The following LIPA variants were observed in gnomAD, a reference collection of about 807,000 sequenced individuals.
LIPA encodes lipase A, lysosomal acid type, also known as lysosomal acid lipase/cholesteryl ester hydrolase.
A neutral mutation model predicts 40.6 loss-of-function variants in LIPA; 26 were observed. That is an observed-to-expected ratio of 0.64 (90% CI 0.47 to 0.89). The LOEUF (loss-of-function observed/expected upper bound fraction) is 0.89. Among genes scored for constraint, LIPA ranks in the 40% least tolerant of loss-of-function variants. The pLI is 0.00. For synonymous variants in LIPA, 188 were observed against 168.4 expected (o/e 1.12, Z -0.90); for missense variants, 455 against 479.6 (o/e 0.95, Z 0.48).
In LIPA at chr10:89,271,731, G is replaced by T. The variant is rs1183357005; in HGVS notation, c.-1-24082C>A. Among the ~76,000 whole-genome samples, 4 of 152,192 alleles carry T rather than the reference G, an allele frequency of 2.6e-5. 1 individual carries two copies. The highest frequency in any genetic ancestry group is 2.6e-4 in the Admixed American group (4 of 15,270). ...GGAGTCATGACAAGAACCAGTGTTTGCCAAGGGCAAGTGTAATATGGAACA... is the reference window on the plus strand; with the variant it reads ...GGAGTCATGACAAGAACCAGTGTTTTCCAAGGGCAAGTGTAATATGGAACA... On this transcript the variant is annotated intron_variant, in intron 1 of 5. Transcript: ENST00000282673.
intron 1 of LIPA, among the ~76,000 whole-genome samples, chr10:89,264,070 G>T (rs1843223402): frequency 6.6e-6 from 1 of 152,226 alleles, no homozygotes; most frequent in South Asian, 2.1e-4. Context: ...GCCCTGGCTT[G>T]GGGAGCCTCT....
intron 1 of LIPA, among the ~76,000 whole-genome samples, chr10:89,305,705 A>G (rs942269313): frequency 2.6e-5 from 4 of 152,186 alleles, no homozygotes; most frequent in African/African-American, 4.8e-5. Flanking sequence ...TGTCTTATTC[A>G]TGAAAACCTA....
intron 3 of LIPA, among the ~76,000 whole-genome samples, chr10:89,243,939 C>T (rs1842993441): frequency 6.6e-6 from 1 of 151,994 alleles, no homozygotes. Flanking sequence ...AAGCATTTTT[C>T]TTTATACAGT....
At chr10:89,339,191 C>T (rs773888170) in intron 1 of LIPA, 32 of 1,614,002 alleles carry the variant, frequency 2.0e-5, no homozygotes, top group African/African-American at 4.0e-5. Flanking sequence ...CTGGCAATTG[C>T]GATGTACCAT....
In LIPA at chr10:89,272,471, A is replaced by G. The variant is rs1372258255; in HGVS notation, c.-1-24822T>C. ...GCGTAGTATTCCATAGTGTATGTGT[A>G]CAACATTTTCTTTATCTAATCTATC... On this transcript the variant is annotated intron_variant, in intron 1 of 5. Coordinates refer to the LIPA transcript ENST00000282673. 2.0e-5 allele frequency among the ~76,000 whole-genome samples: 3 copies of G among 152,198 alleles called. 1 individual carries two copies. The South Asian group carries it at 6.2e-4, about 31-fold the overall frequency.
chr10:89,392,471 A>C (rs201777435), intron 2 of LIPA: 24,789 of 129,632 alleles, frequency 0.19, 1,598 homozygotes, highest in East Asian at 0.4. Flanking sequence ...TTCATTCCCC[A>C]CCCCCCCCCG....
intron 1 of LIPA, among the ~76,000 whole-genome samples, chr10:89,283,533 C>T (rs1843326653): frequency 6.6e-6 from 1 of 152,188 alleles, no homozygotes; most frequent in South Asian, 2.1e-4. Context: ...ATTTCTGGTT[C>T]TCTGACCACT....
intron 7 of LIPA, among the ~76,000 whole-genome samples, chr10:89,223,466 T>C (rs572782403): frequency 6.6e-6 from 1 of 152,242 alleles, no homozygotes; most frequent in South Asian, 2.1e-4. Context: ...ATAATCTCCA[T>C]CTAGGTACAA....
At chr10:89,412,700 A>C (rs1298519992) in intron 2 of LIPA, 1 of 426,142 alleles carries the variant, frequency 2.3e-6, no homozygotes, top group Non-Finnish European at 4.6e-6. Flanking sequence ...GGAGGAACGA[A>C]CAACTCCGGA....
chr10:89,393,223 T>C, intron 2 of LIPA: 1 of 1,289,894 alleles, frequency 7.8e-7, no homozygotes, highest in Non-Finnish European at 1.0e-6. Flanking sequence ...GCTCACAGCC[T>C]TCCTCCATAG....
At position 89,403,022 on chromosome 10, in the gene LIPA, A is replaced by G. The variant is rs1158591265; in HGVS notation, c.61+9769T>C. The stretch of plus-strand genomic sequence containing the variant: ...AAGAAGCTCTAGCCAACATGTCCTC[A>G]CAGACCTATGTCTTTCGATATGCAG... On this transcript the variant is annotated intron_variant, in intron 2 of 8. Coordinates refer to the LIPA transcript ENST00000371837. 1.9e-6 allele frequency: 3 copies of G among 1,614,252 alleles called. No individual in the cohort carries two copies. The South Asian group carries it at 3.3e-5, about 18-fold the overall frequency.
At chr10:89,295,020 TGAAAGGAAAGGAAAGGAAAGGAAAG>T (rs56297817) in intron 1 of LIPA, among the ~76,000 whole-genome samples, 21 of 106,650 alleles carry the variant, frequency 2.0e-4, no homozygotes, top group African/African-American at 7.4e-4. Context: ...GGAAATGAAA[TGAAAGGAAAGGAAAGGAAAGGAAAG>T]GAAAGGAAAG....
intron 1 of LIPA, among the ~76,000 whole-genome samples, chr10:89,327,107 T>C (rs1481146282): frequency 6.6e-6 from 1 of 152,208 alleles, no homozygotes; most frequent in Non-Finnish European, 1.5e-5. Context: ...TAGAAAGGAA[T>C]GTTTGGAGAC....
At chr10:89,376,709 T>C (rs911765636) in intron 2 of LIPA, among the ~76,000 whole-genome samples, 3 of 152,176 alleles carry the variant, frequency 2.0e-5, no homozygotes, top group Admixed American at 6.5e-5. Context: ...CCAATATGAA[T>C]GACTGCTGCT....
chr10:89,339,748 T>C (rs766283271), intron 1 of LIPA: 1 of 1,614,190 alleles, frequency 6.2e-7, no homozygotes, highest in South Asian at 1.1e-5. Flanking sequence ...TCAGCGCTAC[T>C]GCAACCTTCA....
intron 1 of LIPA, among the ~76,000 whole-genome samples, chr10:89,248,350 C>G (rs1285548976): frequency 6.7e-6 from 1 of 148,378 alleles, no homozygotes; most frequent in Non-Finnish European, 1.5e-5. Flanking sequence ...TTAGTAGAGA[C>G]AGGGTTTCAC....
At chr10:89,238,056 C>T (rs1842926813) in intron 3 of LIPA, among the ~76,000 whole-genome samples, 1 of 152,192 alleles carries the variant, frequency 6.6e-6, no homozygotes, top group Non-Finnish European at 1.5e-5. Flanking sequence ...AAGCCTGAAA[C>T]AATAAATTCC....
At chr10:89,341,384 A>G (rs976442269) in intron 1 of LIPA, among the ~76,000 whole-genome samples, 6 of 152,220 alleles carry the variant, frequency 3.9e-5, no homozygotes, top group African/African-American at 1.4e-4. Flanking sequence ...CATTTTGTTC[A>G]GGTTAAAGTC....
intron 1 of LIPA, among the ~76,000 whole-genome samples, chr10:89,413,574 C>A (rs1841495517): frequency 6.6e-6 from 1 of 151,970 alleles, no homozygotes; most frequent in Admixed American, 6.5e-5. Flanking sequence ...GGAGACCAGC[C>A]TGGGCAACAT....
Sources: allele counts gnomAD v4.1 joint callset (sites outside exome capture counted in the v4.1 genomes callset), GRCh38; gene constraint gnomAD v4.1.1; transcripts MANE v1.5; gene names NCBI Gene and HGNC (gene_info 2026-07-23, HGNC 2026-07-21).